Variants in CLASP2 observed in about 807,000 individuals in gnomAD.
CLASP2 encodes the protein CLIP-associating protein 2.
In CLASP2, 47 loss-of-function variants were observed where a neutral mutation model predicts 194.4. That is an observed-to-expected ratio of 0.24 (90% CI 0.19 to 0.31). The LOEUF (loss-of-function observed/expected upper bound fraction) is 0.31, where lower values mean the gene tolerates loss of function less well. CLASP2 is among the 10% of genes least tolerant of loss of function. CLASP2 has a pLI of 1.00. For missense variants in CLASP2, 1,445 were observed against 1,823.6 expected (o/e 0.79, Z 3.78); for synonymous variants, 619 against 633.5 (o/e 0.98, Z 0.34).
At chr3:33,571,624 G>C (rs1371529458) in intron 25 of CLASP2, among the ~76,000 whole-genome samples, 1 of 150,322 alleles carries the variant, frequency 6.7e-6, no homozygotes, top group Non-Finnish European at 1.5e-5. Context: ...GACAGGGTTA[G>C]ACTCTGTCTC....
chr3:33,618,501 A>G (rs990101896), intron 12 of CLASP2, among the ~76,000 whole-genome samples: 8 of 150,782 alleles, frequency 5.3e-5, no homozygotes, highest in Non-Finnish European at 7.4e-5. Flanking sequence ...CAAAAAAATT[A>G]GCCAGGCATG....
chr3:33,608,654 A>T, intron 13 of CLASP2, 28 bp from the exon 14 acceptor site: 1 of 1,508,638 alleles, frequency 6.6e-7, no homozygotes, highest in Non-Finnish European at 9.2e-7. Context: ...AATGATAACT[A>T]AATGTTGTAT....
chr3:33,599,287 G>A (rs893291376), intron 18 of CLASP2, among the ~76,000 whole-genome samples: 6 of 152,098 alleles, frequency 3.9e-5, no homozygotes, highest in South Asian at 4.2e-4. Context: ...ACCACACCTG[G>A]TTAAATTTTT....
chr3:33,577,172 G>A, intron 23 of CLASP2: 4 of 1,509,822 alleles, frequency 2.6e-6, no homozygotes, highest in Non-Finnish European at 3.6e-6. Context: ...ATGAATGCCA[G>A]ATGATAGTGA....
At chr3:33,673,178 A>T (rs918954823) in intron 6 of CLASP2, among the ~76,000 whole-genome samples, 2 of 152,232 alleles carry the variant, frequency 1.3e-5, no homozygotes, top group Non-Finnish European at 2.9e-5. Flanking sequence ...AAAAATGTTA[A>T]GGGCAGCCAG....
At chr3:33,580,946 G>T (rs1406386255) in intron 23 of CLASP2, among the ~76,000 whole-genome samples, 3 of 143,996 alleles carry the variant, frequency 2.1e-5, no homozygotes, top group Non-Finnish European at 3.0e-5. Flanking sequence ...AACCCAGGAG[G>T]CAGAGCTTGC....
intron 12 of CLASP2, among the ~76,000 whole-genome samples, chr3:33,614,164 G>C (rs2075704312): frequency 6.6e-6 from 1 of 152,084 alleles, no homozygotes; most frequent in African/African-American, 2.4e-5. Context: ...TTGCATTATT[G>C]GTGAGATGAT....
intron 9 of CLASP2, among the ~76,000 whole-genome samples, chr3:33,630,906 G>A (rs1360649222): frequency 6.6e-6 from 1 of 152,092 alleles, no homozygotes; most frequent in Admixed American, 6.5e-5. Flanking sequence ...TTATATGAAA[G>A]CCTGTAAAAC....
intron 37 of CLASP2, chr3:33,503,878 A>C (rs1470010853): frequency 6.6e-6 from 1 of 152,196 alleles, no homozygotes; most frequent in African/African-American, 2.4e-5. Flanking sequence ...CAACCATCCC[A>C]GTGGGTATGA....
intron 27 of CLASP2, 69 bp from the exon 28 acceptor site, chr3:33,561,040 A>G (rs2061714069): frequency 1.5e-6 from 2 of 1,340,334 alleles, no homozygotes; most frequent in Non-Finnish European, 2.1e-6. Flanking sequence ...TTCAATTCAA[A>G]GCGAATACAG....
intron 34 of CLASP2, among the ~76,000 whole-genome samples, chr3:33,524,455 G>C (rs1400361596): frequency 1.3e-5 from 2 of 151,988 alleles, no homozygotes; most frequent in African/African-American, 4.8e-5. Context: ...TTTAAGACCA[G>C]ACCAGGCAAC....
chr3:33,588,401 T>C (rs1457735314), intron 21 of CLASP2, among the ~76,000 whole-genome samples: 2 of 152,222 alleles, frequency 1.3e-5, no homozygotes, highest in African/African-American at 4.8e-5. Context: ...CTATTTTCTC[T>C]TGTGCTACCT....
chr3:33,607,433 T>A lies in CLASP2; in HGVS notation c.1477A>T (p.Lys493Ter). Reference protein sequence around the residue: ...RHAAVLVETIKKGIHDADAEA... With the variant: ...RHAAVLVETI ...GCGTCAGCATCATGAATTCCCTTTT[T>A]AATAGTTTCAACCAAGACGGCTGCA... The change falls in exon 15 of 39, where the codon AAA (lysine) becomes TAA (stop). Residue 493 changes from lysine to a stop codon, truncating the protein, a stop_gained. Transcript: ENST00000682230. LOFTEE classifies it high-confidence loss of function. 6.2e-7 allele frequency: 1 copy of A among 1,610,672 alleles called. No individual in the cohort carries two copies. Among genetic ancestry groups the A allele is most frequent in the Non-Finnish European group, 8.5e-7 (1 of 1,178,526 alleles).
intron 36 of CLASP2, among the ~76,000 whole-genome samples, chr3:33,514,308 C>G (rs79314003): frequency 6.6e-6 from 1 of 151,916 alleles, no homozygotes. Context: ...TTAAATGTTA[C>G]CTCTAGCTGA....
intron 30 of CLASP2, among the ~76,000 whole-genome samples, chr3:33,549,366 A>C (rs778017538): frequency 6.6e-6 from 1 of 152,148 alleles, no homozygotes; most frequent in Non-Finnish European, 1.5e-5. Flanking sequence ...ACAGCTATAA[A>C]TTTCCCTAGA....
chr3:33,561,454 A>G (rs186828864), intron 27 of CLASP2, among the ~76,000 whole-genome samples: 2 of 152,332 alleles, frequency 1.3e-5, no homozygotes, highest in Admixed American at 1.3e-4. Context: ...CAAAATGACA[A>G]TTGTCACAAA....
At chr3:33,607,355 T>G in intron 15 of CLASP2, 29 bp downstream of exon 15, 1 of 1,482,248 alleles carries the variant, frequency 6.7e-7, no homozygotes, top group East Asian at 2.3e-5. Flanking sequence ...AAGATTAAAC[T>G]GTCACAAAAC....
chr3:33,553,334 A>C (rs1576345292), intron 29 of CLASP2, among the ~76,000 whole-genome samples: 1 of 152,342 alleles, frequency 6.6e-6, no homozygotes, highest in African/African-American at 2.4e-5. Context: ...CAACAAAAGC[A>C]AAAATAGACA....
At chr3:33,593,542 A>G (rs1350543538) in intron 20 of CLASP2, among the ~76,000 whole-genome samples, 1 of 152,212 alleles carries the variant, frequency 6.6e-6, no homozygotes, top group Non-Finnish European at 1.5e-5. Context: ...AAAAGATAAG[A>G]GAGTAATAAG....
Sources: allele counts gnomAD v4.1 joint callset (sites outside exome capture counted in the v4.1 genomes callset), GRCh38; gene constraint gnomAD v4.1.1; transcripts MANE v1.5; gene names NCBI Gene and HGNC (gene_info 2026-07-23, HGNC 2026-07-21).